RSU1: variants seen among roughly 807,000 people sequenced by gnomAD.
RSU1 encodes the protein rsu-1.
A neutral mutation model predicts 31.1 loss-of-function variants in RSU1; 26 were observed. The observed-to-expected ratio is 0.84, with a 90% confidence interval of 0.61 to 1.16. RSU1 has a LOEUF of 1.16. RSU1 is among the 50% of genes most tolerant of loss of function. The pLI is 0.00. For synonymous variants in RSU1, 164 were observed against 136.3 expected (o/e 1.20, Z -1.41); for missense variants, 320 against 339.1 (o/e 0.94, Z 0.44).
chr10:16,666,523 A>G (rs185886707), intron 8 of RSU1, among the ~76,000 whole-genome samples: 176 of 152,322 alleles, frequency 1.2e-3, no homozygotes, highest in Non-Finnish European at 2.1e-3. Flanking sequence ...CACACCTGTA[A>G]TCCCAGCACT....
intron 8 of RSU1, among the ~76,000 whole-genome samples, chr10:16,645,879 T>C (rs1426211872): frequency 9.4e-6 from 1 of 106,578 alleles, no homozygotes; most frequent in Non-Finnish European, 1.7e-5. Context: ...TACATATATG[T>C]GTATATACAT....
At chr10:16,740,684 A>G (rs943048763) in intron 7 of RSU1, among the ~76,000 whole-genome samples, 1 of 152,228 alleles carries the variant, frequency 6.6e-6, no homozygotes, top group Non-Finnish European at 1.5e-5. Context: ...CAACAACCCA[A>G]AAGTAAAATT....
chr10:16,806,124 A>G (rs549546989), intron 2 of RSU1, among the ~76,000 whole-genome samples: 1 of 152,346 alleles, frequency 6.6e-6, no homozygotes, highest in East Asian at 1.9e-4. Context: ...TTTTAAAACT[A>G]TGTGTAAGTA....
At chr10:16,733,719 T>C (rs1836568375) in intron 7 of RSU1, among the ~76,000 whole-genome samples, 1 of 152,174 alleles carries the variant, frequency 6.6e-6, no homozygotes, top group African/African-American at 2.4e-5. Flanking sequence ...AAAACGTATA[T>C]ATACTGAACA....
chr10:16,710,321 C>T (rs373636237), intron 7 of RSU1, among the ~76,000 whole-genome samples: 145 of 152,244 alleles, frequency 9.5e-4, no homozygotes, highest in African/African-American at 3.3e-3. Flanking sequence ...GACTTGCATA[C>T]GTTAAACTAC....
At chr10:16,749,872 C>G (rs78361659) in intron 7 of RSU1, among the ~76,000 whole-genome samples, 1 of 152,150 alleles carries the variant, frequency 6.6e-6, no homozygotes, top group East Asian at 1.9e-4. Context: ...AACTTGGAAA[C>G]TGCATTTCTA....
chr10:16,650,670 C>A (rs1416750440), intron 8 of RSU1, among the ~76,000 whole-genome samples: 2 of 150,962 alleles, frequency 1.3e-5, no homozygotes, highest in Non-Finnish European at 2.9e-5. Context: ...AGCTCCGCCT[C>A]CTGGGTTCAC....
chr10:16,746,297 A>G (rs571744248), intron 7 of RSU1, among the ~76,000 whole-genome samples: 8 of 152,338 alleles, frequency 5.3e-5, no homozygotes, highest in African/African-American at 1.7e-4. Flanking sequence ...GCAGCGTTGC[A>G]GACATACGTC....
intron 2 of RSU1, among the ~76,000 whole-genome samples, chr10:16,811,068 G>A (rs1168407255): frequency 3.9e-5 from 6 of 152,038 alleles, no homozygotes; most frequent in East Asian, 3.8e-4. Context: ...GCGGTCCCAC[G>A]AGATAACAAT....
intron 8 of RSU1, among the ~76,000 whole-genome samples, chr10:16,630,608 C>A (rs1228874866): frequency 3.3e-5 from 5 of 152,204 alleles, no homozygotes; most frequent in Admixed American, 2.6e-4. Flanking sequence ...AGCCGACTCC[C>A]AGACTGTCTC....
At chr10:16,793,718 G>T (rs1837973331) in intron 2 of RSU1, among the ~76,000 whole-genome samples, 2 of 152,016 alleles carry the variant, frequency 1.3e-5, no homozygotes, top group Non-Finnish European at 2.9e-5. Flanking sequence ...TCTTTGGTGG[G>T]ACAGGGATAG....
chr10:16,708,415 G>C lies in RSU1; in HGVS notation c.599-13260C>G, dbSNP rs1030556144. 2.6e-5 allele frequency among the ~76,000 whole-genome samples: 4 copies of C among 152,084 alleles called. No homozygotes were observed. In the East Asian group the frequency reaches 7.7e-4, roughly 29 times the overall value. ...TGAGGGATTTGTCTTGCTGTTTCAG[G>C]GGTGGCAGAAGCAGAAGAAAATCTA... On this transcript the variant is annotated intron_variant, in intron 7 of 8. Coordinates refer to ENST00000345264, the MANE Select transcript of RSU1 (RefSeq NM_012425.4).
chr10:16,808,071 G>C (rs1178004988), intron 2 of RSU1, among the ~76,000 whole-genome samples: 9 of 151,376 alleles, frequency 5.9e-5, no homozygotes, highest in African/African-American at 2.2e-4. Context: ...TTACGGTAAG[G>C]CAGGCCCTAG....
intron 7 of RSU1, among the ~76,000 whole-genome samples, chr10:16,712,810 A>G (rs1836048700): frequency 3.3e-5 from 5 of 152,186 alleles, no homozygotes; most frequent in Admixed American, 2.6e-4. Context: ...ACACCTTCAC[A>G]TGTTTTCATG....
chr10:16,708,139 G>T (rs1046096371), intron 7 of RSU1, among the ~76,000 whole-genome samples: 2 of 152,022 alleles, frequency 1.3e-5, no homozygotes, highest in African/African-American at 4.8e-5. Flanking sequence ...AGTGACCCTT[G>T]AACAACTTTT....
chr10:16,593,797 T>TTAAG (rs1833556093), intron 8 of RSU1, among the ~76,000 whole-genome samples: 1 of 152,220 alleles, frequency 6.6e-6, no homozygotes, highest in Admixed American at 6.5e-5. Context: ...TTATGAGTGT[T>TTAAG]TAAGTCGACA....
intron 8 of RSU1, among the ~76,000 whole-genome samples, chr10:16,646,169 C>A (rs190241222): frequency 6.6e-6 from 1 of 151,462 alleles, no homozygotes; most frequent in Non-Finnish European, 1.5e-5. Context: ...TCTGGAACCA[C>A]TGGGCACAGC....
intron 8 of RSU1, among the ~76,000 whole-genome samples, chr10:16,648,858 T>C (rs993626218): frequency 1.2e-4 from 18 of 152,184 alleles, no homozygotes; most frequent in South Asian, 6.2e-4. Context: ...GGCTGTAAAA[T>C]GTTAAACAGT....
At chr10:16,638,676 T>C (rs1434022119) in intron 8 of RSU1, among the ~76,000 whole-genome samples, 1 of 152,168 alleles carries the variant, frequency 6.6e-6, no homozygotes, top group African/African-American at 2.4e-5. Flanking sequence ...AGCTAAACCA[T>C]GACACACGTG....
Sources: allele counts gnomAD v4.1 joint callset (sites outside exome capture counted in the v4.1 genomes callset), GRCh38; gene constraint gnomAD v4.1.1; transcripts MANE v1.5; gene names NCBI Gene and HGNC (gene_info 2026-07-23, HGNC 2026-07-21).